The following PPARGC1A variants were observed in gnomAD, a reference collection of about 807,000 sequenced individuals.
PPARGC1A encodes the protein PPARG coactivator 1 alpha, also known as peroxisome proliferator-activated receptor gamma coactivator 1-alpha.
A neutral mutation model predicts 88.7 loss-of-function variants in PPARGC1A; 25 were observed. The ratio of observed to expected loss-of-function variants is 0.28; its 90% CI spans 0.21 to 0.39. PPARGC1A has a LOEUF of 0.39. Among genes scored for constraint, PPARGC1A ranks in the 10% least tolerant of loss-of-function variants. The probability of loss-of-function intolerance (pLI) is 1.00; values close to 1 mark genes in which losing one functional copy is unlikely to be tolerated. For synonymous variants in PPARGC1A, 363 were observed against 355.6 expected (o/e 1.02, Z -0.24); for missense variants, 880 against 968.7 (o/e 0.91, Z 1.22).
the PPARGC1A span, among the ~76,000 whole-genome samples, chr4:24,209,145 C>A: frequency 2.0e-5 from 3 of 152,104 alleles, no homozygotes; most frequent in South Asian, 2.1e-4. Flanking sequence ...ATTCAAAGGC[C>A]GGTTTCATCA....
chr4:24,287,665 C>CACACA, the PPARGC1A span, among the ~76,000 whole-genome samples: 225 of 151,320 alleles, frequency 1.5e-3, no homozygotes, highest in East Asian at 0.015. Context: ...CACACACACA[C>CACACA]AACTGCACTC....
the PPARGC1A span, among the ~76,000 whole-genome samples, chr4:24,401,651 C>T: frequency 1.3e-5 from 2 of 152,188 alleles, no homozygotes; most frequent in South Asian, 4.1e-4. Context: ...CTTAATATCC[C>T]ATCCTATTGG....
chr4:24,148,082 A>T, the PPARGC1A span, among the ~76,000 whole-genome samples: 2 of 152,218 alleles, frequency 1.3e-5, no homozygotes, highest in African/African-American at 4.8e-5. Context: ...TTTCCACTGC[A>T]ATAGGATGCT....
the PPARGC1A span, among the ~76,000 whole-genome samples, chr4:24,063,235 T>C: frequency 3.0e-4 from 45 of 152,260 alleles, no homozygotes; most frequent in Admixed American, 1.5e-3. Context: ...ATTGGTGAAG[T>C]TGGCAGAGAA....
the PPARGC1A span, among the ~76,000 whole-genome samples, chr4:24,347,955 T>C: frequency 6.6e-6 from 1 of 152,216 alleles, no homozygotes; most frequent in Admixed American, 6.5e-5. Context: ...TTTCAAAATT[T>C]AGAGCCACCA....
the PPARGC1A span, among the ~76,000 whole-genome samples, chr4:23,926,118 C>T: frequency 6.6e-6 from 1 of 152,290 alleles, no homozygotes; most frequent in East Asian, 1.9e-4. Context: ...TTTGCTTATT[C>T]TTCTCAGTCT....
At chr4:24,158,576 G>A in the PPARGC1A span, among the ~76,000 whole-genome samples, 2 of 152,162 alleles carry the variant, frequency 1.3e-5, no homozygotes, top group Non-Finnish European at 2.9e-5. Context: ...TGAAAGAAAG[G>A]CATTTAAGTT....
the PPARGC1A span, among the ~76,000 whole-genome samples, chr4:24,227,389 C>A: frequency 6.6e-6 from 1 of 152,144 alleles, no homozygotes; most frequent in Admixed American, 6.5e-5. Context: ...CACAACATAG[C>A]CTTGGGCAAA....
chr4:24,211,262 GTGCCCAAAATA>G, the PPARGC1A span, among the ~76,000 whole-genome samples: 2 of 152,106 alleles, frequency 1.3e-5, no homozygotes, highest in Non-Finnish European at 1.5e-5. Context: ...ATTAAGCCGT[GTGCCCAAAATA>G]TGCATTTATA....
the PPARGC1A span, among the ~76,000 whole-genome samples, chr4:24,302,261 C>T: frequency 6.6e-6 from 1 of 152,150 alleles, no homozygotes; most frequent in Non-Finnish European, 1.5e-5. Flanking sequence ...CAAAACATCA[C>T]GTATCCAAAA....
chr4:23,991,756 G>C, the PPARGC1A span, among the ~76,000 whole-genome samples: 1 of 151,810 alleles, frequency 6.6e-6, no homozygotes, highest in African/African-American at 2.4e-5. Context: ...GTGAGCACAG[G>C]CTTCTGAAAC....
chr4:24,118,023 C>T, the PPARGC1A span, among the ~76,000 whole-genome samples: 6,581 of 152,146 alleles, frequency 0.043, 401 homozygotes, highest in African/African-American at 0.13. Context: ...TTCATTTTGG[C>T]TTCTCTCGCT....
the PPARGC1A span, among the ~76,000 whole-genome samples, chr4:24,013,373 A>G: frequency 6.6e-6 from 1 of 152,050 alleles, no homozygotes; most frequent in Admixed American, 6.6e-5. Context: ...ACTCTAGTCC[A>G]AATATCACTT....
the PPARGC1A span, among the ~76,000 whole-genome samples, chr4:24,188,787 A>G: frequency 6.6e-6 from 1 of 152,134 alleles, no homozygotes; most frequent in Admixed American, 6.5e-5. Flanking sequence ...TAGCAATTCC[A>G]CTTCTGGGTA....
chr4:23,938,019 A>C, the PPARGC1A span, among the ~76,000 whole-genome samples: 2 of 152,190 alleles, frequency 1.3e-5, no homozygotes, highest in African/African-American at 2.4e-5. Context: ...GGTCCAAAAG[A>C]AACTATCTAA....
At chr4:23,917,353 T>G in the PPARGC1A span, among the ~76,000 whole-genome samples, 1 of 150,360 alleles carries the variant, frequency 6.7e-6, no homozygotes, top group Non-Finnish European at 1.5e-5. Flanking sequence ...CACATCATAC[T>G]CTTTTCTGTG....
chr4:24,038,115 C>T, the PPARGC1A span, among the ~76,000 whole-genome samples: 1 of 152,190 alleles, frequency 6.6e-6, no homozygotes, highest in African/African-American at 2.4e-5. Context: ...AAACCAACTT[C>T]CCTTGTGCAG....
At chr4:24,244,433 G>C in the PPARGC1A span, among the ~76,000 whole-genome samples, 5 of 152,238 alleles carry the variant, frequency 3.3e-5, no homozygotes, top group Admixed American at 1.3e-4. Flanking sequence ...TATGTATTAA[G>C]CCTTCTTAAT....
the PPARGC1A span, among the ~76,000 whole-genome samples, chr4:23,943,163 G>A: frequency 6.6e-6 from 1 of 152,096 alleles, no homozygotes; most frequent in African/African-American, 2.4e-5. Context: ...TGTAAAATAA[G>A]TAAGTACAAT....
Sources: allele counts gnomAD v4.1 joint callset (sites outside exome capture counted in the v4.1 genomes callset), GRCh38; gene constraint gnomAD v4.1.1; transcripts MANE v1.5; gene names NCBI Gene and HGNC (gene_info 2026-07-23, HGNC 2026-07-21).